MARCHF1: variants seen among roughly 807,000 people sequenced by gnomAD.
The protein encoded by MARCHF1 is membrane associated ring-CH-type finger 1.
In MARCHF1, 40 loss-of-function variants were observed where a neutral mutation model predicts 54.2. The observed-to-expected ratio is 0.74, with a 90% CI of 0.57 to 0.96. MARCHF1 has a LOEUF of 0.96. MARCHF1 is among the 40% of genes least tolerant of loss of function. The pLI, the probability that MARCHF1 is intolerant of heterozygous loss-of-function variation, is 0.00. For missense variants in MARCHF1, 586 were observed against 656.5 expected, an observed-to-expected ratio of 0.89 and a Z score of 1.17; for synonymous variants, 236 against 236.3, an observed-to-expected ratio of 1.00 and a Z score of 0.01.
chr4:163,636,828 C>G (rs937225485), intron 5 of MARCHF1, among the ~76,000 whole-genome samples: 2 of 152,192 alleles, frequency 1.3e-5, no homozygotes, highest in African/African-American at 4.8e-5. Context: ...AGGCATCACA[C>G]TACCTGACTT....
In MARCHF1 at chr4:163,894,639, T is replaced by C. The variant is rs866228050; in HGVS notation, c.-38-40470A>G. ...TATATGCATGTGATGCATATATATA[T>C]ATGCATGTGATGCATATATATGCAT... On this transcript the variant is annotated intron_variant, in intron 3 of 9. Transcript: ENST00000514618. Among the ~76,000 whole-genome samples the C allele has an allele frequency of 1.4e-3, 151 of 108,918 alleles. 1 individual carries two copies. Among genetic ancestry groups the C allele is most frequent in the East Asian group, 4.4e-3 (14 of 3,186 alleles). The allele number at this position is 108,918 out of a possible 152,430, so 71.5% of individuals were successfully genotyped here.
At chr4:163,883,724 A>AT (rs1364289981) in intron 3 of MARCHF1, among the ~76,000 whole-genome samples, 1 of 152,170 alleles carries the variant, frequency 6.6e-6, no homozygotes, top group Non-Finnish European at 1.5e-5. Context: ...AAAATTATTT[A>AT]TTGTTTATCT....
At chr4:163,910,547 T>G (rs1019169681) in intron 3 of MARCHF1, among the ~76,000 whole-genome samples, 2 of 152,162 alleles carry the variant, frequency 1.3e-5, no homozygotes, top group South Asian at 4.1e-4. Context: ...CAGGCAGAAG[T>G]GCAATGGCGC....
intron 1 of MARCHF1, among the ~76,000 whole-genome samples, chr4:164,169,716 A>G (rs896837631): frequency 2.0e-5 from 3 of 152,116 alleles, no homozygotes; most frequent in Admixed American, 6.6e-5. Context: ...TAAATCATTT[A>G]AAGTTGAAAA....
intron 9 of MARCHF1, among the ~76,000 whole-genome samples, chr4:163,532,919 T>A (rs1459653779): frequency 2.0e-5 from 3 of 151,962 alleles, no homozygotes; most frequent in African/African-American, 7.2e-5. Context: ...TGCTGATAGG[T>A]ATGCAAAATG....
In MARCHF1 at chr4:164,042,524, GT is replaced by G. The variant is rs1754150473; in HGVS notation, c.-247-53816del. ...AGAATAGCATGGGAGAAATCCCCCT[GT>G]GATCCAATCACCTACCACTAAGCCC... On this transcript the variant is annotated intron_variant, in intron 2 of 9. Coordinates refer to ENST00000514618, the MANE Select transcript of MARCHF1 (RefSeq NM_001394959.1). Among the ~76,000 whole-genome samples, 5 of 152,254 alleles carry G rather than the reference GT, an allele frequency of 3.3e-5. No individual in the cohort carries two copies. In the South Asian group the frequency reaches 1.0e-3, roughly 32 times the overall value.
chr4:164,273,343 C>G (rs1253228556), intron 1 of MARCHF1, among the ~76,000 whole-genome samples: 4 of 152,114 alleles, frequency 2.6e-5, no homozygotes, highest in African/African-American at 9.7e-5. Flanking sequence ...ACAAGAAGAG[C>G]ACGGGGGAAA....
chr4:163,677,240 T>G (rs536261655), intron 5 of MARCHF1, among the ~76,000 whole-genome samples: 1 of 152,334 alleles, frequency 6.6e-6, no homozygotes, highest in Admixed American at 6.5e-5. Flanking sequence ...GTAAATTAGA[T>G]CATGTCATTT....
chr4:164,277,153 C>A (rs1370722000), intron 1 of MARCHF1, among the ~76,000 whole-genome samples: 1 of 91,130 alleles, frequency 1.1e-5, no homozygotes, highest in Non-Finnish European at 2.0e-5. Context: ...TTAGAAGTCA[C>A]TCCTCTGTGG....
intron 1 of MARCHF1, among the ~76,000 whole-genome samples, chr4:164,371,609 C>T (rs1257034324): frequency 6.6e-6 from 1 of 152,118 alleles, no homozygotes; most frequent in African/African-American, 2.4e-5. Context: ...AAAGAGAAGA[C>T]TTAAGTGAAG....
chr4:163,552,374 C>A (rs115616792), intron 8 of MARCHF1, among the ~76,000 whole-genome samples: 11 of 152,100 alleles, frequency 7.2e-5, no homozygotes, highest in African/African-American at 2.7e-4. Flanking sequence ...GTGCACGCAG[C>A]GGTTTAGAAT....
intron 4 of MARCHF1, among the ~76,000 whole-genome samples, chr4:163,812,647 A>C (rs1213032944): frequency 6.6e-6 from 1 of 152,148 alleles, no homozygotes; most frequent in Non-Finnish European, 1.5e-5. Context: ...AATCCCAGCT[A>C]TCTGGGAGAC....
chr4:164,035,052 T>C (rs1753963901), intron 2 of MARCHF1, among the ~76,000 whole-genome samples: 1 of 152,122 alleles, frequency 6.6e-6, no homozygotes, highest in African/African-American at 2.4e-5. Flanking sequence ...AAAGAGAAAA[T>C]GCCTCTAATA....
At chr4:163,836,488 G>T (rs1206917127) in intron 4 of MARCHF1, among the ~76,000 whole-genome samples, 1 of 46,608 alleles carries the variant, frequency 2.1e-5, no homozygotes, top group African/African-American at 4.5e-5. Context: ...CTCGTGATCC[G>T]CCTGCCTCGG....
Position 163,629,789 on chromosome 4 carries a change from ATCTGCACGT to A in MARCHF1, c.163-16405_163-16397del, listed in dbSNP as rs563692456. On this transcript the variant is annotated intron_variant, in intron 5 of 9. Coordinates refer to ENST00000514618, the MANE Select transcript of MARCHF1 (RefSeq NM_001394959.1). Reference sequence around the variant, plus strand: ...TGGCACGTGTATAGCTATGTAACAAATCTGCACGTTCTGCACATGCATCCCAGAACTTAA... The same window carrying A: ...TGGCACGTGTATAGCTATGTAACAAATCTGCACATGCATCCCAGAACTTAA... Among the ~76,000 whole-genome samples the A allele has an allele frequency of 5.0e-3, 765 of 152,336 alleles. 2 individuals carry two copies. Among genetic ancestry groups the A allele is most frequent in the Non-Finnish European group, 9.1e-3 (621 of 68,026 alleles).
At chr4:164,123,127 A>T (rs918669138) in intron 1 of MARCHF1, among the ~76,000 whole-genome samples, 10 of 152,190 alleles carry the variant, frequency 6.6e-5, no homozygotes, top group African/African-American at 2.2e-4. Context: ...AGGATACAAA[A>T]TGAACATAGA....
intron 8 of MARCHF1, among the ~76,000 whole-genome samples, chr4:163,562,226 G>A (rs1703408571): frequency 6.6e-6 from 1 of 152,140 alleles, no homozygotes; most frequent in East Asian, 1.9e-4. Flanking sequence ...GAACCCAGGA[G>A]GTGGAGGTTG....
At chr4:164,252,838 T>C (rs1297461823) in intron 1 of MARCHF1, among the ~76,000 whole-genome samples, 1 of 152,084 alleles carries the variant, frequency 6.6e-6, no homozygotes, top group East Asian at 1.9e-4. Flanking sequence ...CAGTGGACAG[T>C]GATGAGGAAT....
intron 8 of MARCHF1, among the ~76,000 whole-genome samples, chr4:163,549,302 C>T (rs1040857435): frequency 6.6e-6 from 1 of 151,826 alleles, no homozygotes; most frequent in African/African-American, 2.4e-5. Flanking sequence ...TTGCTTATTG[C>T]TTGGGCCTGA....
Sources: gnomAD v4.1 joint callset for allele counts (sites outside exome capture counted in the v4.1 genomes callset) on GRCh38, gnomAD v4.1.1 for gene constraint, MANE v1.5 for transcripts, NCBI Gene and HGNC (gene_info 2026-07-23, HGNC 2026-07-21) for gene names.